The following ABTB3 variants were observed in gnomAD, a reference collection of about 807,000 sequenced individuals.
The protein encoded by ABTB3 is ankyrin repeat and BTB domain containing 3.
chr12:107,383,459 C>G, the ABTB3 span, among the ~76,000 whole-genome samples: 1 of 152,188 alleles, frequency 6.6e-6, no homozygotes, highest in Non-Finnish European at 1.5e-5. Context: ...TCCTTAACCT[C>G]TCTAGATTCC....
the ABTB3 span, among the ~76,000 whole-genome samples, chr12:107,452,221 T>C: frequency 7.1e-6 from 1 of 140,600 alleles, no homozygotes; most frequent in Non-Finnish European, 1.5e-5. Context: ...TTTTTTTTTT[T>C]TTTTTGAGAC....
chr12:107,522,674 C>A, the ABTB3 span, among the ~76,000 whole-genome samples: 1 of 150,588 alleles, frequency 6.6e-6, no homozygotes. Flanking sequence ...TATAGTAGGC[C>A]CTCAGGAAAC....
At chr12:107,484,844 G>A in the ABTB3 span, among the ~76,000 whole-genome samples, 3 of 152,174 alleles carry the variant, frequency 2.0e-5, no homozygotes, top group African/African-American at 7.2e-5. Context: ...GATGTGGGAT[G>A]TAAAGGCTGA....
the ABTB3 span, among the ~76,000 whole-genome samples, chr12:107,413,975 T>G: frequency 6.6e-6 from 1 of 152,196 alleles, no homozygotes; most frequent in African/African-American, 2.4e-5. Flanking sequence ...TAGTTTATTT[T>G]CTCAGCCTGG....
the ABTB3 span, among the ~76,000 whole-genome samples, chr12:107,630,200 G>T: frequency 6.6e-6 from 1 of 152,318 alleles, no homozygotes; most frequent in East Asian, 1.9e-4. Flanking sequence ...CCACCACGGC[G>T]TAGCACCCTA....
At chr12:107,560,477 G>A in the ABTB3 span, among the ~76,000 whole-genome samples, 1 of 152,112 alleles carries the variant, frequency 6.6e-6, no homozygotes, top group East Asian at 1.9e-4. Context: ...AATGGCATCT[G>A]CCTGGCCTGC....
the ABTB3 span, among the ~76,000 whole-genome samples, chr12:107,519,681 C>G: frequency 6.6e-6 from 1 of 152,196 alleles, no homozygotes; most frequent in Non-Finnish European, 1.5e-5. Flanking sequence ...TTTACAAGTA[C>G]TCTTCAGGCT....
At chr12:107,375,721 A>G in the ABTB3 span, among the ~76,000 whole-genome samples, 68,736 of 151,870 alleles carry the variant, frequency 0.45, 15,903 homozygotes, top group South Asian at 0.53. Flanking sequence ...GTTCCTTACT[A>G]CTTGGTTTCT....
At chr12:107,377,730 T>C in the ABTB3 span, among the ~76,000 whole-genome samples, 1 of 152,240 alleles carries the variant, frequency 6.6e-6, no homozygotes, top group South Asian at 2.1e-4. Context: ...GGTTTGGGAA[T>C]GAGAAAGGCA....
chr12:107,469,898 C>CTTTCTTTCTTTTT, the ABTB3 span, among the ~76,000 whole-genome samples: 1 of 105,620 alleles, frequency 9.5e-6, no homozygotes, highest in Admixed American at 9.0e-5. Context: ...TTCTTTCTTT[C>CTTTCTTTCTTTTT]TTTCTTTCTT....
At chr12:107,393,623 T>C in the ABTB3 span, among the ~76,000 whole-genome samples, 1 of 152,056 alleles carries the variant, frequency 6.6e-6, no homozygotes, top group Non-Finnish European at 1.5e-5. Flanking sequence ...AGGCTCTCAG[T>C]AAATGTTTGT....
chr12:107,654,402 G>A, the ABTB3 span, among the ~76,000 whole-genome samples: 1 of 152,054 alleles, frequency 6.6e-6, no homozygotes, highest in Non-Finnish European at 1.5e-5. Flanking sequence ...AGGTTCAAGC[G>A]ATTCTCCTGC....
the ABTB3 span, among the ~76,000 whole-genome samples, chr12:107,358,075 T>C: frequency 6.6e-6 from 1 of 152,176 alleles, no homozygotes; most frequent in Non-Finnish European, 1.5e-5. Flanking sequence ...CAGACAGTAC[T>C]CTGGGGTCCA....
chr12:107,340,330 A>C, the ABTB3 span, among the ~76,000 whole-genome samples: 2 of 152,322 alleles, frequency 1.3e-5, no homozygotes, highest in East Asian at 1.9e-4. Flanking sequence ...TCAGAAAGGT[A>C]ACTCTGAGAG....
the ABTB3 span, chr12:107,320,749 C>T: frequency 4.4e-6 from 2 of 449,862 alleles, no homozygotes; most frequent in East Asian, 7.0e-5. Flanking sequence ...GACAAAGCCC[C>T]CAATTCCAGC....
At chr12:107,560,138 A>G in the ABTB3 span, among the ~76,000 whole-genome samples, 1 of 152,196 alleles carries the variant, frequency 6.6e-6, no homozygotes, top group African/African-American at 2.4e-5. Flanking sequence ...ATTCTTAATG[A>G]CTGCAGAATA....
chr12:107,601,795 G>A, the ABTB3 span, among the ~76,000 whole-genome samples: 1 of 152,200 alleles, frequency 6.6e-6, no homozygotes, highest in Admixed American at 6.5e-5. Context: ...GTTCGTATTT[G>A]TAAAAAGCTT....
the ABTB3 span, among the ~76,000 whole-genome samples, chr12:107,551,021 A>T: frequency 0.3 from 46,040 of 152,120 alleles, 7,219 homozygotes; most frequent in African/African-American, 0.37. Context: ...ATACCACCCC[A>T]ATGTAAGGAC....
At chr12:107,410,475 G>A in the ABTB3 span, among the ~76,000 whole-genome samples, 1 of 152,178 alleles carries the variant, frequency 6.6e-6, no homozygotes, top group Non-Finnish European at 1.5e-5. Flanking sequence ...ACCTACCATG[G>A]TTTGCACTTG....
Sources: gnomAD v4.1 joint callset for allele counts (sites outside exome capture counted in the v4.1 genomes callset) on GRCh38, gnomAD v4.1.1 for gene constraint, MANE v1.5 for transcripts, NCBI Gene and HGNC (gene_info 2026-07-23, HGNC 2026-07-21) for gene names.